DBT: variants seen among roughly 807,000 people sequenced by gnomAD.
The protein encoded by DBT is lipoamide acyltransferase component of branched-chain alpha-keto acid dehydrogenase complex, mitochondrial.
Under a neutral mutation model 51.3 loss-of-function variants are expected in DBT, and 40 were observed. The observed-to-expected ratio is 0.78, with a 90% CI of 0.61 to 1.02. The LOEUF (loss-of-function observed/expected upper bound fraction) is 1.02. Ranked by LOEUF, DBT falls within the 50% of genes least tolerant of loss-of-function variation. The pLI is 0.00. For missense variants in DBT, 510 were observed against 580.2 expected (o/e 0.88, Z 1.24); for synonymous variants, 181 against 190.4 (o/e 0.95, Z 0.41).
intron 10 of DBT, among the ~76,000 whole-genome samples, chr1:100,205,469 T>G (rs1483993492): frequency 6.6e-6 from 1 of 152,094 alleles, no homozygotes; most frequent in Admixed American, 6.5e-5. Context: ...GGAGAGAATA[T>G]AGAGAGATAG....
chr1:100,212,863 A>G (rs1662237612), intron 7 of DBT, among the ~76,000 whole-genome samples: 1 of 152,180 alleles, frequency 6.6e-6, no homozygotes, highest in Non-Finnish European at 1.5e-5. Context: ...GCAGAGACTT[A>G]TAACACATTT....
At chr1:100,198,865 G>A (rs1054081130) in intron 10 of DBT, among the ~76,000 whole-genome samples, 1 of 152,132 alleles carries the variant, frequency 6.6e-6, no homozygotes, top group African/African-American at 2.4e-5. Flanking sequence ...GTTCCAACAC[G>A]CAAGGAATAA....
intron 4 of DBT, among the ~76,000 whole-genome samples, chr1:100,229,745 C>T (rs188092500): frequency 1.0e-3 from 155 of 152,222 alleles, no homozygotes; most frequent in Non-Finnish European, 1.6e-3. Context: ...TCTTGCAGCC[C>T]CTAGTATCAA....
At position 100,192,295 on chromosome 1, in the gene DBT, G is replaced by T. The variant is rs1279062460; in HGVS notation, c.*3960C>A. 6.6e-6 allele frequency: 1 copy of T among 152,228 alleles called. No homozygotes were observed. The highest frequency in any genetic ancestry group is 1.5e-5 in the Non-Finnish European group (1 of 68,050). The allele number at this position is 152,228 out of a possible 1,614,324, so 9.4% of individuals were successfully genotyped here. On this transcript the variant is annotated 3_prime_UTR_variant, in exon 11 of 11. Transcript: ENST00000370132. ...GTGATAGCTTTAATTATTGGCTAAAGCTTTTGCTGTGAGGGCAAAAACTTC... is the reference window on the plus strand; with the variant it reads ...GTGATAGCTTTAATTATTGGCTAAATCTTTTGCTGTGAGGGCAAAAACTTC...
At chr1:100,225,043 A>AAACATATG (rs1553231586) in intron 4 of DBT, among the ~76,000 whole-genome samples, 1 of 43,014 alleles carries the variant, frequency 2.3e-5, no homozygotes, top group African/African-American at 9.1e-5. Flanking sequence ...AAAAAAAAAA[A>AAACATATG]TATATATATA....
At chr1:100,230,582 C>T (rs779438548) in intron 4 of DBT, 151 bp downstream of exon 4, 34 of 555,810 alleles carry the variant, frequency 6.1e-5, no homozygotes, top group African/African-American at 2.0e-4. Flanking sequence ...CCTTTTTTCA[C>T]GTTGAAAAGA....
At chr1:100,210,514 GTAT>G in intron 8 of DBT, 177 bp downstream of exon 8, 1 of 820,354 alleles carries the variant, frequency 1.2e-6, no homozygotes, top group Non-Finnish European at 1.8e-6. Flanking sequence ...TCTCTAAACA[GTAT>G]TATTAACACA....
chr1:100,213,224 G>T, intron 7 of DBT: 2 of 909,780 alleles, frequency 2.2e-6, no homozygotes, highest in Non-Finnish European at 2.9e-6. Context: ...GTCTGCCTCA[G>T]AGGGGCCCGA....
intron 1 of DBT, among the ~76,000 whole-genome samples, chr1:100,241,584 ACAAGG>A (rs1664213103): frequency 6.6e-6 from 1 of 152,024 alleles, no homozygotes; most frequent in Admixed American, 6.6e-5. Context: ...ATTTGTAGAG[ACAAGG>A]TCTCAGTATG....
At chr1:100,234,423 G>A (rs2100832971) in intron 3 of DBT, among the ~76,000 whole-genome samples, 1 of 150,868 alleles carries the variant, frequency 6.6e-6, no homozygotes, top group South Asian at 2.1e-4. Context: ...ATCACTTGAG[G>A]CCAAGAGTTC....
chr1:100,221,396 G>A (rs1170413375), intron 4 of DBT, among the ~76,000 whole-genome samples: 1 of 151,980 alleles, frequency 6.6e-6, no homozygotes, highest in Non-Finnish European at 1.5e-5. Context: ...CGTTGCCCAG[G>A]CTGGTCTTGA....
chr1:100,249,414 T>C (rs1052686067), intron 1 of DBT: 14 of 399,056 alleles, frequency 3.5e-5, no homozygotes, highest in Admixed American at 3.6e-5. Context: ...GTGTTTGGCA[T>C]ACTGTGGGTA....
intron 10 of DBT, among the ~76,000 whole-genome samples, chr1:100,201,338 A>T (rs1179858373): frequency 2.6e-5 from 4 of 152,102 alleles, no homozygotes; most frequent in Admixed American, 2.6e-4. Flanking sequence ...ATAAAGCATG[A>T]AGACAAGATT....
In DBT at chr1:100,187,670, G is replaced by T. The variant is rs181717659; in HGVS notation, c.*8585C>A. 3 of 151,164 alleles carry T rather than the reference G, an allele frequency of 2.0e-5. No homozygotes were observed. Among genetic ancestry groups the T allele is most frequent in the African/African-American group, 4.9e-5 (2 of 41,208 alleles). 9.4% of individuals were successfully genotyped at this position (151,164 alleles called of 1,614,324 possible). A position where few individuals can be genotyped will look rare whatever the true frequency, so the allele number is the denominator to read the frequency against. On this transcript the variant is annotated 3_prime_UTR_variant, in exon 11 of 11. Coordinates refer to ENST00000370132, the MANE Select transcript of DBT (RefSeq NM_001918.5). The stretch of plus-strand genomic sequence containing the variant: ...TTCCCGAGTAGCTGGGACCACAGGC[G>T]TGCACCACCAGGCCTGGCTAACTTT...
At chr1:100,208,455 C>T (rs1349206812) in intron 8 of DBT, among the ~76,000 whole-genome samples, 1 of 152,084 alleles carries the variant, frequency 6.6e-6, no homozygotes, top group Non-Finnish European at 1.5e-5. Flanking sequence ...GAACTAAGTG[C>T]AGAAGTATGT....
At chr1:100,200,766 GGGTCTGGAA>G (rs1661389295) in intron 10 of DBT, among the ~76,000 whole-genome samples, 1 of 152,196 alleles carries the variant, frequency 6.6e-6, no homozygotes, top group Non-Finnish European at 1.5e-5. Context: ...CAGGCAAACA[GGGTCTGGAA>G]TGGACCCCCA....
rs948878835 is a variant in DBT at position 100,190,085 on chromosome 1, G to A, written c.*6170C>T. On this transcript the variant is annotated 3_prime_UTR_variant, in exon 11 of 11. Transcript: ENST00000370132. ...CTGCATTAGACAGCTCAGAGTTCGA[G>A]TTTTACTAACTAGACTTGCAGATTA... The A allele has an allele frequency of 4.6e-5, 7 of 152,214 alleles. No individual in the cohort carries two copies. Among genetic ancestry groups the A allele is most frequent in the Non-Finnish European group, 1.0e-4 (7 of 68,030 alleles). The allele number at this position is 152,214 out of a possible 1,614,324, so 9.4% of individuals were successfully genotyped here. A position where few individuals can be genotyped will look rare whatever the true frequency, so the allele number is the denominator to read the frequency against.
intron 10 of DBT, among the ~76,000 whole-genome samples, chr1:100,201,485 A>T (rs1477105239): frequency 6.6e-6 from 1 of 152,198 alleles, no homozygotes; most frequent in African/African-American, 2.4e-5. Context: ...ACACTTCAGG[A>T]TACTATTCAG....
At chr1:100,221,214 C>T (rs1281350834) in intron 4 of DBT, among the ~76,000 whole-genome samples, 1 of 152,160 alleles carries the variant, frequency 6.6e-6, no homozygotes, top group Non-Finnish European at 1.5e-5. Flanking sequence ...GACAAACTTA[C>T]TTGTGAGAAG....
Sources: allele counts gnomAD v4.1 joint callset (sites outside exome capture counted in the v4.1 genomes callset), GRCh38; gene constraint gnomAD v4.1.1; transcripts MANE v1.5; gene names NCBI Gene and HGNC (gene_info 2026-07-23, HGNC 2026-07-21).